MELK: variants seen among roughly 807,000 people sequenced by gnomAD.
MELK encodes the protein maternal embryonic leucine zipper kinase.
A neutral mutation model predicts 85.0 loss-of-function variants in MELK; 81 were observed. The observed-to-expected ratio is 0.95, with a 90% confidence interval of 0.80 to 1.15. The LOEUF (loss-of-function observed/expected upper bound fraction) is 1.15. Among genes scored for constraint, MELK ranks in the 50% most tolerant of loss-of-function variants. The pLI is 0.00. For synonymous variants in MELK, 252 were observed against 265.0 expected (o/e 0.95, Z 0.48); for missense variants, 754 against 777.5 (o/e 0.97, Z 0.36).
intron 10 of MELK, among the ~76,000 whole-genome samples, chr9:36,636,747 T>TCTTC (rs1829193525): frequency 1.1e-5 from 1 of 93,408 alleles, no homozygotes; most frequent in Non-Finnish European, 2.1e-5. Context: ...TTTCTTTCTT[T>TCTTC]CTTTCTTTCT....
intron 16 of MELK, among the ~76,000 whole-genome samples, chr9:36,673,312 G>T (rs1328435897): frequency 1.3e-5 from 2 of 152,196 alleles, no homozygotes; most frequent in Non-Finnish European, 2.9e-5. Flanking sequence ...CTCTATGGGT[G>T]TATTGGGTGC....
intron 3 of MELK, among the ~76,000 whole-genome samples, chr9:36,587,926 T>C (rs980911068): frequency 1.3e-5 from 2 of 151,816 alleles, no homozygotes; most frequent in African/African-American, 4.8e-5. Flanking sequence ...CATGCCTGGC[T>C]AATTTTTTCG....
chr9:36,615,284 CCAGG>C (rs1192272048), intron 8 of MELK, among the ~76,000 whole-genome samples: 1 of 124,510 alleles, frequency 8.0e-6, no homozygotes, highest in Non-Finnish European at 1.6e-5. Context: ...GCACGGCTGG[CCAGG>C]CGGGGGGCTG....
intron 14 of MELK, among the ~76,000 whole-genome samples, chr9:36,666,921 G>C (rs1223256413): frequency 1.3e-5 from 2 of 150,756 alleles, no homozygotes; most frequent in African/African-American, 2.4e-5. Flanking sequence ...GTGTGTGTGT[G>C]GGGGGGTGCG....
intron 8 of MELK, among the ~76,000 whole-genome samples, chr9:36,618,744 T>C (rs574054375): frequency 1.3e-5 from 2 of 152,312 alleles, no homozygotes; most frequent in African/African-American, 4.8e-5. Flanking sequence ...TGTAAATCCA[T>C]GTAACTGTGC....
chr9:36,658,454 A>T (rs975542915), intron 13 of MELK, among the ~76,000 whole-genome samples: 11 of 151,790 alleles, frequency 7.2e-5, no homozygotes, highest in African/African-American at 2.7e-4. Flanking sequence ...TGGTTATTGT[A>T]CTCTTGAACT....
chr9:36,608,802 C>T (rs1228380771), intron 8 of MELK, among the ~76,000 whole-genome samples: 8 of 152,078 alleles, frequency 5.3e-5, no homozygotes, highest in East Asian at 3.9e-4. Context: ...AGGCTGGTCT[C>T]GAACTCCCGA....
At chr9:36,593,848 C>T (rs1314507733) in intron 4 of MELK, among the ~76,000 whole-genome samples, 1 of 152,098 alleles carries the variant, frequency 6.6e-6, no homozygotes, top group African/African-American at 2.4e-5. Flanking sequence ...CCCGCCACCA[C>T]GCCTGGCTAA....
At chr9:36,580,108 C>A (rs1013098704) in intron 1 of MELK, among the ~76,000 whole-genome samples, 1 of 144,942 alleles carries the variant, frequency 6.9e-6, no homozygotes, top group Non-Finnish European at 1.5e-5. Context: ...AGTGCAGTGG[C>A]GTGATCTCGG....
chr9:36,632,262 G>A (rs1286707212), intron 9 of MELK, among the ~76,000 whole-genome samples: 1 of 152,178 alleles, frequency 6.6e-6, no homozygotes, highest in Admixed American at 6.5e-5. Context: ...ATGAGCCTCT[G>A]AGGGTGAAAG....
At chr9:36,578,533 CAG>C (rs1331117248) in intron 1 of MELK, among the ~76,000 whole-genome samples, 1 of 152,122 alleles carries the variant, frequency 6.6e-6, no homozygotes. Context: ...TGGGTAGTCT[CAG>C]AGTGAGTTGA....
intron 8 of MELK, among the ~76,000 whole-genome samples, chr9:36,614,436 T>TTTTA (rs1826361954): frequency 6.8e-6 from 1 of 147,384 alleles, no homozygotes; most frequent in African/African-American, 2.6e-5. Context: ...TTTTTTTTTT[T>TTTTA]TTTTTTTAAT....
intron 12 of MELK, 33 bp downstream of exon 12, chr9:36,651,910 T>C: frequency 6.2e-7 from 1 of 1,600,268 alleles, no homozygotes. Context: ...TCTTGCCACG[T>C]GCCCTCCCTG....
Position 36,581,631 on chromosome 9 carries a change from C to G in MELK, c.-38-13C>G. On this transcript the variant is annotated splice_polypyrimidine_tract_variant and intron_variant, in intron 1 of 17. Transcript: ENST00000298048. ...TTATTTCCTTTATTGATTATGTACT[C>G]TCTGTCTTCTAGGTTCTTTTTCTAA... 7.8e-7 allele frequency: 1 copy of G among 1,276,962 alleles called. No individual in the cohort carries two copies. The highest frequency in any genetic ancestry group is 1.2e-5 in the South Asian group (1 of 82,036). The allele number at this position is 1,276,962 out of a possible 1,614,324, so 79.1% of individuals were successfully genotyped here.
At chr9:36,660,383 T>TCATGGCTCA (rs1831676515) in intron 13 of MELK, among the ~76,000 whole-genome samples, 1 of 152,040 alleles carries the variant, frequency 6.6e-6, no homozygotes, top group South Asian at 2.1e-4. Context: ...AGTGGTGTGA[T>TCATGGCTCA]CATGGCTCAC....
intron 11 of MELK, among the ~76,000 whole-genome samples, chr9:36,649,775 A>C (rs2030011812): frequency 1.3e-5 from 2 of 152,058 alleles, no homozygotes; most frequent in African/African-American, 2.4e-5. Context: ...TCTCAAAAAA[A>C]GGGAAAATAA....
intron 1 of MELK, among the ~76,000 whole-genome samples, chr9:36,578,405 G>A (rs1370676439): frequency 6.6e-5 from 10 of 152,082 alleles, no homozygotes; most frequent in South Asian, 4.2e-4. Context: ...AATATTCTCC[G>A]TCTATTTCTT....
At chr9:36,631,858 C>T (rs564167493) in intron 9 of MELK, among the ~76,000 whole-genome samples, 58 of 151,744 alleles carry the variant, frequency 3.8e-4, no homozygotes, top group Admixed American at 7.2e-4. Flanking sequence ...GATGGGGTTT[C>T]GCTACGTTGC....
At chr9:36,581,158 T>G (rs567773775) in intron 1 of MELK, among the ~76,000 whole-genome samples, 27 of 152,262 alleles carry the variant, frequency 1.8e-4, no homozygotes, top group Non-Finnish European at 3.5e-4. Flanking sequence ...TTTATGGTTT[T>G]CTTTTTTTGA....
Sources: allele counts gnomAD v4.1 joint callset (sites outside exome capture counted in the v4.1 genomes callset), GRCh38; gene constraint gnomAD v4.1.1; transcripts MANE v1.5; gene names NCBI Gene and HGNC (gene_info 2026-07-23, HGNC 2026-07-21).